Variants in PAIP2 observed in about 807,000 individuals in gnomAD.
PAIP2 encodes the protein poly(A) binding protein interacting protein 2.
Under a neutral mutation model 14.8 loss-of-function variants are expected in PAIP2, and 7 were observed. That is an observed-to-expected ratio of 0.47 (90% CI 0.27 to 0.89). The LOEUF (loss-of-function observed/expected upper bound fraction) is 0.89. Among genes scored for constraint, PAIP2 ranks in the 40% least tolerant of loss-of-function variants. PAIP2 has a pLI of 0.13. For missense variants in PAIP2, 122 were observed against 154.7 expected (o/e 0.79, Z 1.12); for synonymous variants, 47 against 45.3 (o/e 1.04, Z -0.15).
intron 3 of PAIP2, among the ~76,000 whole-genome samples, chr5:139,366,202 C>CAAAAAAA (rs1215094572): frequency 3.9e-5 from 1 of 25,318 alleles, no homozygotes; most frequent in Non-Finnish European, 8.9e-5. Context: ...GACTCCACCT[C>CAAAAAAA]AAAAAAAAAA....
At chr5:139,346,079 A>G (rs1211643446) in intron 1 of PAIP2, among the ~76,000 whole-genome samples, 1 of 152,172 alleles carries the variant, frequency 6.6e-6, no homozygotes, top group Non-Finnish European at 1.5e-5. Flanking sequence ...AGGAGGGGAA[A>G]AACAGCTGAA....
chr5:139,357,795 C>T (rs1381704574), intron 1 of PAIP2, among the ~76,000 whole-genome samples: 3 of 152,226 alleles, frequency 2.0e-5, no homozygotes, highest in East Asian at 3.8e-4. Flanking sequence ...TACGCGACTA[C>T]ACTCCAGCCT....
At chr5:139,356,889 G>GAAAAAAA (rs70982774) in intron 1 of PAIP2, among the ~76,000 whole-genome samples, 1 of 112,476 alleles carries the variant, frequency 8.9e-6, no homozygotes, top group African/African-American at 4.5e-5. Context: ...TCTGTCTCCA[G>GAAAAAAA]AAAAAAAAAA....
intron 1 of PAIP2, among the ~76,000 whole-genome samples, chr5:139,346,566 C>G (rs1224641934): frequency 6.6e-6 from 1 of 151,108 alleles, no homozygotes; most frequent in Admixed American, 6.6e-5. Flanking sequence ...CAGTCTCCCT[C>G]TGATGCTCAG....
At chr5:139,345,125 A>G (rs1756498932) in intron 1 of PAIP2, among the ~76,000 whole-genome samples, 1 of 151,986 alleles carries the variant, frequency 6.6e-6, no homozygotes, top group Admixed American at 6.6e-5. Context: ...GGCTCACTGC[A>G]CGCTCCACCT....
chr5:139,352,502 G>GTTTTTTTTTTTTTTTTTTTTTTTTTTTT (rs536704901), intron 1 of PAIP2, among the ~76,000 whole-genome samples: 13 of 76,144 alleles, frequency 1.7e-4, no homozygotes, highest in Non-Finnish European at 2.7e-4. Context: ...TTTTTTTGTT[G>GTTTTTTTTTTTTTTTTTTTTTTTTTTTT]TTTTTTTTTT....
At chr5:139,368,086 A>G (rs1022972450) in intron 3 of PAIP2, among the ~76,000 whole-genome samples, 1 of 152,234 alleles carries the variant, frequency 6.6e-6, no homozygotes, top group African/African-American at 2.4e-5. Context: ...CTGTAATCCC[A>G]GCACTTTGGG....
chr5:139,349,684 A>G (rs1756668010), intron 1 of PAIP2, among the ~76,000 whole-genome samples: 1 of 152,206 alleles, frequency 6.6e-6, no homozygotes, highest in Non-Finnish European at 1.5e-5. Context: ...TATGAAAGAC[A>G]TAAAACGAAA....
intron 1 of PAIP2, among the ~76,000 whole-genome samples, chr5:139,354,559 A>G (rs1756848783): frequency 6.6e-6 from 1 of 152,098 alleles, no homozygotes; most frequent in African/African-American, 2.4e-5. Flanking sequence ...CTTTTTATCA[A>G]ATTTGGGGAG....
chr5:139,347,694 T>C (rs185660236), intron 1 of PAIP2, among the ~76,000 whole-genome samples: 173 of 152,282 alleles, frequency 1.1e-3, no homozygotes, highest in Non-Finnish European at 2.2e-3. Flanking sequence ...TATACATATG[T>C]AACTAACCTG....
intron 3 of PAIP2, chr5:139,367,208 C>T (rs1757300935): frequency 6.6e-6 from 1 of 152,156 alleles, no homozygotes; most frequent in African/African-American, 2.4e-5. Context: ...ATTTCTTCAA[C>T]ATGATGTTTA....
chr5:139,361,677 G>C (rs141535518), intron 1 of PAIP2, among the ~76,000 whole-genome samples: 1 of 152,226 alleles, frequency 6.6e-6, no homozygotes, highest in East Asian at 1.9e-4. Context: ...GGGCGCGATG[G>C]CTCATGCATG....
At chr5:139,351,877 C>A (rs1756744180) in intron 1 of PAIP2, among the ~76,000 whole-genome samples, 1 of 152,078 alleles carries the variant, frequency 6.6e-6, no homozygotes, top group African/African-American at 2.4e-5. Context: ...CCACACTGAT[C>A]TTGAATTCCT....
In PAIP2 at chr5:139,363,851, C is replaced by G; in HGVS notation, c.67C>G (p.His23Asp). The change falls in exon 2 of 4, where the codon CAT (histidine) becomes GAT (aspartate). Residue 23 changes from histidine (H) to aspartate (D), a missense_variant. By Grantham distance (81) the His-to-Asp change is moderately conservative (BLOSUM62 -1). This residue lies in a region of PAIP2 where 42 missense variants were observed against 36.7 expected (regional missense o/e 1.15). Transcript: ENST00000265192. ...IINEDVIING[H>D]SHEDDNPFAE... ...CAATGAAGATGTGATTATTAACGGT[C>G]ATTCTCATGAAGATGACAATCCATT... is the stretch of plus-strand genomic sequence containing the variant. 6.2e-7 allele frequency: 1 copy of G among 1,613,300 alleles called. No individual in the cohort carries two copies. The highest frequency in any genetic ancestry group is 8.5e-7 in the Non-Finnish European group (1 of 1,179,242).
chr5:139,349,870 C>T (rs1031341530), intron 1 of PAIP2, among the ~76,000 whole-genome samples: 11 of 151,924 alleles, frequency 7.2e-5, no homozygotes, highest in South Asian at 2.1e-4. Flanking sequence ...GACATGGTGG[C>T]GTGCACCTGT....
At chr5:139,350,043 C>T (rs920087842) in intron 1 of PAIP2, among the ~76,000 whole-genome samples, 61 of 151,686 alleles carry the variant, frequency 4.0e-4, no homozygotes, top group Non-Finnish European at 7.1e-4. Context: ...GGTGTGGTGG[C>T]GGGCGCCTGT....
chr5:139,346,109 T>C (rs1207288016), intron 1 of PAIP2, among the ~76,000 whole-genome samples: 1 of 152,136 alleles, frequency 6.6e-6, no homozygotes. Flanking sequence ...AAGCCCTAAG[T>C]TGATAAATTG....
chr5:139,356,358 A>T lies in PAIP2; in HGVS notation c.-26-7401A>T, dbSNP rs1323396750. ...CTACTCGGGAGGCTGAGGCAGGAGA[A>T]TCACTTGAACCCAGGAGGCGGAGGT... On this transcript the variant is annotated intron_variant, in intron 1 of 3. Transcript: ENST00000265192. Among the ~76,000 whole-genome samples, 26 of 151,464 alleles carry T rather than the reference A, an allele frequency of 1.7e-4. 1 individual carries two copies. Among genetic ancestry groups the T allele is most frequent in the Admixed American group, 1.7e-3 (26 of 15,200 alleles).
intron 3 of PAIP2, among the ~76,000 whole-genome samples, chr5:139,366,601 A>T (rs957977881): frequency 2.0e-5 from 3 of 152,238 alleles, no homozygotes; most frequent in Non-Finnish European, 2.9e-5. Context: ...ATTAGTCACC[A>T]TAAATAATCC....
Sources: allele counts gnomAD v4.1 joint callset (sites outside exome capture counted in the v4.1 genomes callset), GRCh38; gene constraint gnomAD v4.1.1; regional missense constraint gnomAD v4.1.1; transcripts MANE v1.5; gene names NCBI Gene and HGNC (gene_info 2026-07-23, HGNC 2026-07-21).